The following CSTPP1 variants were observed in gnomAD, a reference collection of about 807,000 sequenced individuals.
CSTPP1 encodes the protein centriolar satellite-associated tubulin polyglutamylase complex regulator 1, also known as UPF0705 protein C11orf49.
the CSTPP1 span, among the ~76,000 whole-genome samples, chr11:47,046,925 G>A: frequency 4.7e-5 from 7 of 148,626 alleles, no homozygotes; most frequent in Non-Finnish European, 1.0e-4. Context: ...TTTTGAGATG[G>A]AGTCTCACTC....
At chr11:47,016,390 C>CAAAAAA in the CSTPP1 span, among the ~76,000 whole-genome samples, 47 of 125,790 alleles carry the variant, frequency 3.7e-4, no homozygotes, top group Non-Finnish European at 5.9e-4. Context: ...ATGGAATCTA[C>CAAAAAA]AAAAAACAAA....
chr11:46,939,381 G>A, the CSTPP1 span, among the ~76,000 whole-genome samples: 4 of 151,866 alleles, frequency 2.6e-5, no homozygotes, highest in Non-Finnish European at 5.9e-5. Flanking sequence ...GAGCCACCGC[G>A]CCCAGCCAAC....
chr11:47,088,898 G>A, the CSTPP1 span, among the ~76,000 whole-genome samples: 1 of 152,146 alleles, frequency 6.6e-6, no homozygotes, highest in Non-Finnish European at 1.5e-5. Flanking sequence ...CTGTAAATAT[G>A]AGTGATATGA....
chr11:47,024,623 G>T, the CSTPP1 span, among the ~76,000 whole-genome samples: 1 of 152,078 alleles, frequency 6.6e-6, no homozygotes, highest in African/African-American at 2.4e-5. Context: ...TACTAAGAAG[G>T]TTTATATCAC....
chr11:46,970,608 A>C, the CSTPP1 span, among the ~76,000 whole-genome samples: 1 of 152,064 alleles, frequency 6.6e-6, no homozygotes, highest in African/African-American at 2.4e-5. Context: ...AAAAATTGAT[A>C]TAGATCTGTA....
chr11:46,940,110 C>T, the CSTPP1 span, among the ~76,000 whole-genome samples: 10 of 152,128 alleles, frequency 6.6e-5, 1 homozygote, highest in Admixed American at 2.6e-4. Flanking sequence ...TGAGCTCAAG[C>T]GATCTGCCCA....
the CSTPP1 span, among the ~76,000 whole-genome samples, chr11:46,962,290 T>C: frequency 6.6e-6 from 1 of 152,302 alleles, no homozygotes; most frequent in South Asian, 2.1e-4. Flanking sequence ...ATTTCATTGG[T>C]TTCTATGTCT....
chr11:46,990,957 T>C, the CSTPP1 span, among the ~76,000 whole-genome samples: 1 of 152,194 alleles, frequency 6.6e-6, no homozygotes, highest in African/African-American at 2.4e-5. Flanking sequence ...GCTTTATTTT[T>C]GAGTTTTCTG....
the CSTPP1 span, among the ~76,000 whole-genome samples, chr11:47,144,333 T>C: frequency 6.6e-6 from 1 of 152,006 alleles, no homozygotes; most frequent in East Asian, 1.9e-4. Flanking sequence ...GGATTATAGA[T>C]GCCCGCCACC....
chr11:47,018,580 A>G, the CSTPP1 span, among the ~76,000 whole-genome samples: 2,184 of 152,284 alleles, frequency 0.014, 19 homozygotes, highest in Non-Finnish European at 0.021. Flanking sequence ...GGCATGAGCC[A>G]CTACGCCCAG....
the CSTPP1 span, among the ~76,000 whole-genome samples, chr11:47,011,578 C>G: frequency 5.3e-5 from 8 of 152,206 alleles, no homozygotes; most frequent in Admixed American, 2.0e-4. Flanking sequence ...AGTATAGAGT[C>G]TCTCAGATGC....
the CSTPP1 span, among the ~76,000 whole-genome samples, chr11:46,948,744 C>T: frequency 1.3e-5 from 2 of 152,144 alleles, no homozygotes; most frequent in South Asian, 2.1e-4. Context: ...GGCACCTAGA[C>T]GAAACTTAAG....
chr11:46,995,278 C>A, the CSTPP1 span, among the ~76,000 whole-genome samples: 1 of 152,176 alleles, frequency 6.6e-6, no homozygotes, highest in African/African-American at 2.4e-5. Flanking sequence ...CTATCTCCTT[C>A]AGTTCTGCTC....
chr11:46,957,676 G>A, the CSTPP1 span, among the ~76,000 whole-genome samples: 2 of 152,060 alleles, frequency 1.3e-5, no homozygotes, highest in Non-Finnish European at 2.9e-5. Context: ...GTTCTGAGAA[G>A]TTTTCTTGAA....
the CSTPP1 span, among the ~76,000 whole-genome samples, chr11:47,144,980 ATTTTTTT>A: frequency 1.1e-5 from 1 of 92,872 alleles, no homozygotes; most frequent in Non-Finnish European, 2.1e-5. Context: ...ATTGCCTGCC[ATTTTTTT>A]TTTTTTTTTT....
At chr11:47,120,598 C>T in the CSTPP1 span, among the ~76,000 whole-genome samples, 1 of 152,156 alleles carries the variant, frequency 6.6e-6, no homozygotes, top group Non-Finnish European at 1.5e-5. This position sits in a 1 kb window ranked among gnomAD's most constrained non-coding sequence, Gnocchi z 4.2. Flanking sequence ...ATCAATAATT[C>T]AACCACCAAT....
chr11:47,070,981 C>T, the CSTPP1 span, among the ~76,000 whole-genome samples: 2 of 152,070 alleles, frequency 1.3e-5, no homozygotes, highest in Non-Finnish European at 2.9e-5. Context: ...TTTTGCTTTC[C>T]CACCATGTAG....
chr11:47,005,154 T>C, the CSTPP1 span, among the ~76,000 whole-genome samples: 1 of 151,916 alleles, frequency 6.6e-6, no homozygotes, highest in Non-Finnish European at 1.5e-5. Flanking sequence ...GAAAAAGAGA[T>C]ACTACAGAAA....
At chr11:47,009,029 TAAA>T in the CSTPP1 span, among the ~76,000 whole-genome samples, 2 of 136,326 alleles carry the variant, frequency 1.5e-5, no homozygotes, top group African/African-American at 2.7e-5. Flanking sequence ...AGACTCCATC[TAAA>T]AAAAAAAAAA....
Sources: gnomAD v4.1 joint callset for allele counts (sites outside exome capture counted in the v4.1 genomes callset) on GRCh38, gnomAD v4.1.1 for gene constraint, Gnocchi (gnomAD v3.1) non-coding constraint, MANE v1.5 for transcripts, NCBI Gene and HGNC (gene_info 2026-07-23, HGNC 2026-07-21) for gene names.